Variants in SH3BP5 observed in about 807,000 individuals in gnomAD.
The protein encoded by SH3BP5 is SH3 domain binding protein 5.
SH3BP5 carries 22 observed loss-of-function variants against 43.3 expected under a neutral mutation model. That is an observed-to-expected ratio of 0.51 (90% CI 0.36 to 0.73). The LOEUF is 0.73. Among genes scored for constraint, SH3BP5 ranks in the 30% least tolerant of loss-of-function variants. The probability of loss-of-function intolerance (pLI) is 0.00; values close to 1 mark genes in which losing one functional copy is unlikely to be tolerated. For missense variants in SH3BP5, 529 were observed against 586.9 expected, an observed-to-expected ratio of 0.90 and a Z score of 1.02; for synonymous variants, 255 against 225.8, an observed-to-expected ratio of 1.13 and a Z score of -1.16.
At chr3:15,293,453 G>A (rs994557822) in intron 3 of SH3BP5, among the ~76,000 whole-genome samples, 1 of 152,218 alleles carries the variant, frequency 6.6e-6, no homozygotes, top group Non-Finnish European at 1.5e-5. Flanking sequence ...GCACCATGAG[G>A]GGAAAGTTCC....
intron 3 of SH3BP5, among the ~76,000 whole-genome samples, chr3:15,278,980 G>A (rs1697046452): frequency 6.6e-6 from 1 of 152,124 alleles, no homozygotes; most frequent in East Asian, 1.9e-4. Context: ...GACCAGCTTG[G>A]CCAACATGGC....
At chr3:15,319,052 A>G (rs1422923112) in intron 2 of SH3BP5, among the ~76,000 whole-genome samples, 3 of 152,238 alleles carry the variant, frequency 2.0e-5, no homozygotes, top group Admixed American at 6.5e-5. Context: ...GGAATAGCCC[A>G]AGGGGCTTTA....
intron 4 of SH3BP5, among the ~76,000 whole-genome samples, chr3:15,265,512 T>TCACACACA (rs368955496): frequency 0.064 from 6,870 of 107,850 alleles, 392 homozygotes; most frequent in East Asian, 0.079. Flanking sequence ...CGAGACTCCG[T>TCACACACA]CACACACACA....
upstream of SH3BP5, among the ~76,000 whole-genome samples, chr3:15,337,063 G>C (rs1038827697): frequency 6.8e-6 from 1 of 147,162 alleles, no homozygotes; most frequent in African/African-American, 2.5e-5. Flanking sequence ...CAGCCAAAGA[G>C]TTGGGGTTTT....
At chr3:15,273,477 G>A (rs1696874617) in intron 3 of SH3BP5, 6 of 873,690 alleles carry the variant, frequency 6.9e-6, no homozygotes, top group South Asian at 5.3e-5. Context: ...TTCCGGACAA[G>A]CGTCTGAAGT....
Position 15,303,146 on chromosome 3 carries a change from T to G in SH3BP5, c.330+957A>C, listed in dbSNP as rs369865863. Among the ~76,000 whole-genome samples the G allele has an allele frequency of 6.6e-5, 10 of 152,314 alleles. No individual in the cohort carries two copies. The East Asian group carries it at 1.3e-3, about 21-fold the overall frequency. ...ACATCTTCTTACAAGTGGACACTTTTGAAGGCAGCATCTTCCATCATGTCA... is the reference window on the plus strand; with the variant it reads ...ACATCTTCTTACAAGTGGACACTTTGGAAGGCAGCATCTTCCATCATGTCA... On this transcript the variant is annotated intron_variant, in intron 3 of 8. Coordinates refer to ENST00000383791, the MANE Select transcript of SH3BP5 (RefSeq NM_004844.5).
intron 2 of SH3BP5, among the ~76,000 whole-genome samples, chr3:15,306,762 G>A (rs749839687): frequency 4.6e-5 from 7 of 152,044 alleles, no homozygotes; most frequent in Non-Finnish European, 8.8e-5. Context: ...TCTGCCTCCC[G>A]GGTTCAAGCA....
Position 15,332,281 on chromosome 3 carries a change from G to T in SH3BP5, c.128C>A (p.Pro43His). The change falls in exon 1 of 9, where the codon CCC (proline) becomes CAC (histidine). Residue 43 changes from proline to histidine, a missense_variant. Around this residue, in one of 3 missense-constraint regions of SH3BP5, gnomAD observed 75 missense variants for 61.8 expected, o/e 1.21. Coordinates refer to ENST00000383791, the MANE Select transcript of SH3BP5 (RefSeq NM_004844.5). ...CCCCGCGCGCCCTACCTGGATCCGG[G>T]GATCCACCTCTTCTTCCTCCTCCAG... ...QGLEEEEEVD[P>H]RIQGELEKLN... 1 of 1,549,786 alleles carries T rather than the reference G, an allele frequency of 6.5e-7. No homozygotes were observed.
intron 3 of SH3BP5, among the ~76,000 whole-genome samples, chr3:15,302,137 C>T (rs1217164897): frequency 6.6e-6 from 1 of 152,154 alleles, no homozygotes; most frequent in Non-Finnish European, 1.5e-5. Context: ...ACTTCCGTTT[C>T]AGGTCAAGAA....
chr3:15,278,865 G>A (rs1697043639), intron 3 of SH3BP5, among the ~76,000 whole-genome samples: 1 of 152,106 alleles, frequency 6.6e-6, no homozygotes, highest in South Asian at 2.1e-4. Flanking sequence ...TCCTGAATCA[G>A]TTTCTTAAAG....
chr3:15,265,475 C>T (rs547508961), intron 4 of SH3BP5, among the ~76,000 whole-genome samples: 73 of 146,184 alleles, frequency 5.0e-4, no homozygotes, highest in African/African-American at 1.8e-3. Flanking sequence ...AAGATCGCGC[C>T]GCTGCACTCC....
At position 15,255,878 on chromosome 3, in the gene SH3BP5, A is replaced by T; in HGVS notation, c.*208T>A. ...AAGGCTGTGAACCTAGTCACAGTCTACCCACAACAAGAACTCTGCTCTGAA... is the reference window on the plus strand; with the variant it reads ...AAGGCTGTGAACCTAGTCACAGTCTTCCCACAACAAGAACTCTGCTCTGAA... On this transcript the variant is annotated 3_prime_UTR_variant, in exon 9 of 9. Transcript: ENST00000383791. 1.8e-6 allele frequency: 1 copy of T among 568,106 alleles called. No individual in the cohort carries two copies. The highest frequency in any genetic ancestry group is 3.1e-6 in the Non-Finnish European group (1 of 319,318). The allele number at this position is 568,106 out of a possible 1,614,324, so 35.2% of individuals were successfully genotyped here.
In SH3BP5 at chr3:15,332,266, C is replaced by A; in HGVS notation, c.138+5G>T. ...CCGGATGCGGGGCGACCCCGCGCGC[C>A]CTACCTGGATCCGGGGATCCACCTC... is the stretch of plus-strand genomic sequence containing the variant. On this transcript the variant is annotated splice_donor_5th_base_variant and intron_variant, in intron 1 of 8. Transcript: ENST00000383791. 1 of 1,551,728 alleles carries A rather than the reference C, an allele frequency of 6.4e-7. No individual in the cohort carries two copies. The highest frequency in any genetic ancestry group is 8.7e-7 in the Non-Finnish European group (1 of 1,150,840).
intron 2 of SH3BP5, among the ~76,000 whole-genome samples, chr3:15,316,414 G>A (rs973154461): frequency 2.0e-5 from 3 of 151,786 alleles, no homozygotes; most frequent in Non-Finnish European, 4.4e-5. Flanking sequence ...TAGCAGAGAC[G>A]GGGTTTCACC....
chr3:15,295,596 G>C (rs1010101833), intron 3 of SH3BP5, among the ~76,000 whole-genome samples: 1 of 152,176 alleles, frequency 6.6e-6, no homozygotes, highest in African/African-American at 2.4e-5. Context: ...GATGAGCTTC[G>C]TTCAGGCAGA....
chr3:15,258,830 C>T lies in SH3BP5; in HGVS notation c.889+1G>A. ...CATACCCAGTGGAGCCCCTGACTTA[C>T]CAGAAATGGCATCAGGCTCAGGTTT... is the stretch of plus-strand genomic sequence containing the variant. On this transcript the variant is annotated splice_donor_variant, in intron 7 of 8. Coordinates refer to ENST00000383791, the MANE Select transcript of SH3BP5 (RefSeq NM_004844.5). LOFTEE classifies it high-confidence loss of function. 6.2e-7 allele frequency: 1 copy of T among 1,612,758 alleles called. No homozygotes were observed. Among genetic ancestry groups the T allele is most frequent in the South Asian group, 1.1e-5 (1 of 91,034 alleles).
chr3:15,256,310 A>AAAT lies in SH3BP5; in HGVS notation c.1151-10_1151-8dup. 6.2e-7 allele frequency: 1 copy of AAAT among 1,611,190 alleles called. No homozygotes were observed. The highest frequency in any genetic ancestry group is 1.7e-5 in the Admixed American group (1 of 59,890). On this transcript the variant is annotated splice_region_variant and splice_polypyrimidine_tract_variant and intron_variant, in intron 8 of 8. Transcript: ENST00000383791. ...GCCCCTTCTGCCCTGTCTCCTATAG[A>AAAT]AATACAAGGATTATCAAAAGTGAGT...
chr3:15,333,323 G>A (rs1698660636), upstream of SH3BP5: 7 of 958,920 alleles, frequency 7.3e-6, no homozygotes, highest in African/African-American at 1.8e-5. Flanking sequence ...TGATGTCAGG[G>A]GAACGCAAAG....
intron 4 of SH3BP5, among the ~76,000 whole-genome samples, 196 bp downstream of exon 4, chr3:15,269,515 GGA>G (rs375714380): frequency 0.01 from 1,563 of 152,312 alleles, 30 homozygotes; most frequent in African/African-American, 0.034. Flanking sequence ...TCGCTGTCAC[GGA>G]GAGACACTGT....
Sources: allele counts gnomAD v4.1 joint callset (sites outside exome capture counted in the v4.1 genomes callset), GRCh38; gene constraint gnomAD v4.1.1; regional missense constraint gnomAD v4.1.1; transcripts MANE v1.5; gene names NCBI Gene and HGNC (gene_info 2026-07-23, HGNC 2026-07-21).